SOX5: variants seen among roughly 807,000 people sequenced by gnomAD.
SOX5 encodes the protein SRY-box transcription factor 5.
In SOX5, 9 loss-of-function variants were observed where a neutral mutation model predicts 92.0. The observed-to-expected ratio is 0.10, with a 90% confidence interval of 0.06 to 0.17. The LOEUF is 0.17. Among genes scored for constraint, SOX5 ranks in the 10% least tolerant of loss-of-function variants. SOX5 has a pLI of 1.00. For synonymous variants in SOX5, 344 were observed against 336.3 expected, an observed-to-expected ratio of 1.02 and a Z score of -0.25; for missense variants, 642 against 944.5, an observed-to-expected ratio of 0.68 and a Z score of 4.20.
At chr12:24,294,277 T>G (rs1946949014) in intron 2 of SOX5, among the ~76,000 whole-genome samples, 2 of 151,604 alleles carry the variant, frequency 1.3e-5, no homozygotes, top group East Asian at 3.9e-4. Context: ...CAGTAACTCA[T>G]GGGTTTTTTT....
At chr12:23,945,716 T>C (rs1944480391) in intron 1 of SOX5, among the ~76,000 whole-genome samples, 1 of 152,128 alleles carries the variant, frequency 6.6e-6, no homozygotes, top group Admixed American at 6.6e-5. Flanking sequence ...AAAATCAAAC[T>C]TACAGGTTTA....
At chr12:24,367,162 G>C (rs530644765) in intron 2 of SOX5, among the ~76,000 whole-genome samples, 60 of 152,106 alleles carry the variant, frequency 3.9e-4, no homozygotes, top group Non-Finnish European at 6.0e-4. Flanking sequence ...GCCCCTAAAA[G>C]TAACTGCTGA....
intron 8 of SOX5, among the ~76,000 whole-genome samples, chr12:23,627,117 C>T (rs2077929813): frequency 6.6e-6 from 1 of 152,058 alleles, no homozygotes; most frequent in African/African-American, 2.4e-5. Flanking sequence ...TGCAAATTTC[C>T]AGTAACACAA....
chr12:24,316,861 G>C (rs1012801445), intron 2 of SOX5, among the ~76,000 whole-genome samples: 64 of 152,140 alleles, frequency 4.2e-4, no homozygotes, highest in African/African-American at 1.5e-3. Context: ...GTGTGAGCAA[G>C]AAGCTGGTGG....
intron 4 of SOX5, among the ~76,000 whole-genome samples, chr12:24,121,135 T>C (rs1023721757): frequency 1.2e-4 from 19 of 152,212 alleles, no homozygotes; most frequent in African/African-American, 4.6e-4. Context: ...ACAGACATTC[T>C]ACGTTGTAAC....
chr12:23,618,768 A>C (rs149739001), intron 8 of SOX5, among the ~76,000 whole-genome samples: 1 of 152,276 alleles, frequency 6.6e-6, no homozygotes, highest in African/African-American at 2.4e-5. Flanking sequence ...TGGCCCTGAA[A>C]TTCTTCTGTG....
At chr12:24,416,030 G>A (rs1159115483) in intron 1 of SOX5, among the ~76,000 whole-genome samples, 2 of 152,172 alleles carry the variant, frequency 1.3e-5, no homozygotes, top group Non-Finnish European at 2.9e-5. Context: ...GAAATTCTTG[G>A]ATCAGAAGGA....
chr12:23,760,951 T>C (rs2094547391), intron 3 of SOX5, among the ~76,000 whole-genome samples: 2 of 152,162 alleles, frequency 1.3e-5, no homozygotes, highest in African/African-American at 2.4e-5. Flanking sequence ...AAGTACGCTA[T>C]GTATGATATT....
intron 3 of SOX5, among the ~76,000 whole-genome samples, chr12:23,796,735 A>C (rs2095566935): frequency 6.6e-6 from 1 of 151,776 alleles, no homozygotes; most frequent in South Asian, 2.1e-4. Context: ...AAACTACCTA[A>C]ACAGATCACC....
intron 1 of SOX5, among the ~76,000 whole-genome samples, chr12:24,412,058 G>A (rs1964198935): frequency 6.6e-6 from 1 of 152,120 alleles, no homozygotes; most frequent in South Asian, 2.1e-4. Context: ...TATGTGTGTA[G>A]AGTTGTTTGT....
chr12:23,819,121 T>C (rs1362273101), intron 3 of SOX5, among the ~76,000 whole-genome samples: 1 of 152,254 alleles, frequency 6.6e-6, no homozygotes, highest in Non-Finnish European at 1.5e-5. Context: ...TTATGTACTG[T>C]ACATAACTGT....
chr12:23,665,300 T>C (rs1488450609), intron 7 of SOX5, 144 bp downstream of exon 7: 4 of 877,144 alleles, frequency 4.6e-6, no homozygotes, highest in Non-Finnish European at 7.4e-6. Context: ...CTAACACACT[T>C]CTCCACACAT....
chr12:23,644,622 C>A (rs960934638), intron 7 of SOX5, among the ~76,000 whole-genome samples: 8 of 152,224 alleles, frequency 5.3e-5, no homozygotes, highest in African/African-American at 1.9e-4. Flanking sequence ...AAAAATTATA[C>A]CATGCTCGTA....
intron 5 of SOX5, 65 bp from the exon 6 acceptor site, chr12:23,734,817 G>T: frequency 7.6e-7 from 1 of 1,316,886 alleles, no homozygotes. Context: ...AGTTACTAAT[G>T]TTCTGTTTCT....
chr12:23,679,528 T>C (rs2086246543), intron 6 of SOX5, among the ~76,000 whole-genome samples: 1 of 152,144 alleles, frequency 6.6e-6, no homozygotes, highest in Non-Finnish European at 1.5e-5. Context: ...CTACCTTCCA[T>C]TGCAATAAAA....
intron 4 of SOX5, among the ~76,000 whole-genome samples, chr12:24,088,015 C>G (rs1293801699): frequency 6.6e-6 from 1 of 151,722 alleles, no homozygotes; most frequent in Non-Finnish European, 1.5e-5. Context: ...AGAAATGGGC[C>G]AAAAAGCAGG....
chr12:23,919,177 C>G (rs1013348962), intron 1 of SOX5, among the ~76,000 whole-genome samples: 2 of 152,136 alleles, frequency 1.3e-5, no homozygotes, highest in African/African-American at 4.8e-5. Context: ...GAAACCTGAG[C>G]ATGTGCCCCA....
Position 24,272,531 on chromosome 12 carries a change from T to C in SOX5, c.-77+4685A>G, listed in dbSNP as rs372177212. Among the ~76,000 whole-genome samples, 7 of 152,294 alleles carry C rather than the reference T, an allele frequency of 4.6e-5. No homozygotes were observed. The East Asian group carries it at 1.3e-3, about 29-fold the overall frequency. Reference sequence around the variant, plus strand: ...TGTATTTTATATCACATTAAGGAAGTTCCTCCCTGCTTTTAGTTTTCCAAA... The same window carrying C: ...TGTATTTTATATCACATTAAGGAAGCTCCTCCCTGCTTTTAGTTTTCCAAA... On this transcript the variant is annotated intron_variant, in intron 3 of 4. Transcript: ENST00000446891.
rs185427203 is a variant in SOX5 at position 23,633,822 on chromosome 12, A to G, written c.1017+6990T>C. Reference sequence around the variant, plus strand: ...TATATGTCTATACACACACTATCACATAATATAGGAATTCTCAAGTATTGT... The same window carrying G: ...TATATGTCTATACACACACTATCACGTAATATAGGAATTCTCAAGTATTGT... On this transcript the variant is annotated intron_variant, in intron 8 of 14. Transcript: ENST00000451604. 2.6e-5 allele frequency among the ~76,000 whole-genome samples: 4 copies of G among 152,306 alleles called. No homozygotes were observed. The East Asian group carries it at 7.7e-4, about 29-fold the overall frequency.
Sources: gnomAD v4.1 joint callset for allele counts (sites outside exome capture counted in the v4.1 genomes callset) on GRCh38, gnomAD v4.1.1 for gene constraint, MANE v1.5 for transcripts, NCBI Gene and HGNC (gene_info 2026-07-23, HGNC 2026-07-21) for gene names.